The following NELL1 variants were observed in gnomAD, a reference collection of about 807,000 sequenced individuals.
NELL1 encodes the protein protein kinase C-binding protein NELL1.
In NELL1, 76 loss-of-function variants were observed where a neutral mutation model predicts 107.4. The ratio of observed to expected loss-of-function variants is 0.71; its 90% CI spans 0.59 to 0.86. The LOEUF (loss-of-function observed/expected upper bound fraction) is 0.86, where lower values mean the gene tolerates loss of function less well. Ranked by LOEUF, NELL1 falls within the 40% of genes least tolerant of loss-of-function variation. The pLI is 0.00. For missense variants in NELL1, 1,024 were observed against 1,005.5 expected (o/e 1.02, Z -0.25); for synonymous variants, 353 against 341.2 (o/e 1.03, Z -0.38).
chr11:21,112,842 C>A (rs188674444), intron 12 of NELL1, among the ~76,000 whole-genome samples: 43 of 152,102 alleles, frequency 2.8e-4, no homozygotes, highest in Admixed American at 1.6e-3. Flanking sequence ...CACACACAAG[C>A]AGTCTGAGTA....
intron 4 of NELL1, among the ~76,000 whole-genome samples, chr11:20,864,277 A>T (rs1166640846): frequency 1.3e-5 from 2 of 152,250 alleles, no homozygotes; most frequent in Admixed American, 6.5e-5. Flanking sequence ...GCTAATTAAC[A>T]GATGCATTCT....
intron 12 of NELL1, among the ~76,000 whole-genome samples, chr11:21,021,661 A>T (rs1003828740): frequency 6.6e-6 from 1 of 152,008 alleles, no homozygotes. Flanking sequence ...TTTCTTGCAT[A>T]GCAAGTTGTC....
At position 21,077,095 on chromosome 11, in the gene NELL1, C is replaced by T. The variant is rs147767030; in HGVS notation, c.1301-36494C>T. On this transcript the variant is annotated intron_variant, in intron 12 of 19. Transcript: ENST00000357134. ...TAAGTATGGAAAGGGCAAATAATAG[C>T]ATGCAAGGGAATAAAAGTAGTGATA... 4.7e-3 allele frequency among the ~76,000 whole-genome samples: 722 copies of T among 152,160 alleles called. 4 individuals are homozygous for T. The highest frequency in any genetic ancestry group is 8.3e-3 in the Non-Finnish European group (565 of 68,008).
intron 3 of NELL1, among the ~76,000 whole-genome samples, chr11:20,804,951 G>C (rs1857351351): frequency 6.6e-6 from 1 of 151,830 alleles, no homozygotes; most frequent in Admixed American, 6.6e-5. Flanking sequence ...TACACATCTG[G>C]GTGTTCCAGT....
At chr11:21,402,641 TTC>T (rs991289985) in intron 15 of NELL1, among the ~76,000 whole-genome samples, 5 of 132,346 alleles carry the variant, frequency 3.8e-5, no homozygotes, top group East Asian at 2.2e-4. Flanking sequence ...CTAGATCCTT[TTC>T]TTTTTTTTTT....
rs1020654622 is a variant in NELL1 at position 20,705,535 on chromosome 11, A to C, written c.184+27475A>C. The stretch of plus-strand genomic sequence containing the variant: ...GAATTTAAGATGGATTAAAGACTTA[A>C]ATGTTAGACCTAAAACCATAAAAAC... On this transcript the variant is annotated intron_variant, in intron 2 of 19. Transcript: ENST00000357134. Among the ~76,000 whole-genome samples the C allele has an allele frequency of 7.6e-5, 11 of 144,452 alleles. 1 individual carries two copies. Among genetic ancestry groups the C allele is most frequent in the African/African-American group, 2.9e-4 (11 of 38,082 alleles). 94.8% of individuals were successfully genotyped at this position (144,452 alleles called of 152,430 possible). A position where few individuals can be genotyped will look rare whatever the true frequency, so the allele number is the denominator to read the frequency against.
rs1858018327 is a variant in NELL1 at position 21,230,460 on chromosome 11, CA to C, written c.1549+1009del. The stretch of plus-strand genomic sequence containing the variant: ...GCTTGTTCACTATGTGTTAATTCAC[CA>C]AATCACCAAAGAGGAAAGGCACAAT... On this transcript the variant is annotated intron_variant, in intron 14 of 19. Coordinates refer to ENST00000357134, the MANE Select transcript of NELL1 (RefSeq NM_006157.5). 1.1e-4 allele frequency among the ~76,000 whole-genome samples: 16 copies of C among 152,190 alleles called. No homozygotes were observed. In the South Asian group the frequency reaches 3.3e-3, roughly 32 times the overall value.
At chr11:21,149,721 A>C (rs1856070615) in intron 13 of NELL1, among the ~76,000 whole-genome samples, 1 of 152,194 alleles carries the variant, frequency 6.6e-6, no homozygotes, top group Non-Finnish European at 1.5e-5. Context: ...AGGTGCTGTC[A>C]CTGGCCCAAT....
intron 15 of NELL1, among the ~76,000 whole-genome samples, chr11:21,502,996 C>T (rs963645529): frequency 6.6e-6 from 1 of 152,142 alleles, no homozygotes; most frequent in African/African-American, 2.4e-5. Flanking sequence ...GATTCTCCTG[C>T]CTCAACCTCC....
chr11:20,854,280 C>T (rs541695308), intron 4 of NELL1, among the ~76,000 whole-genome samples: 2 of 152,300 alleles, frequency 1.3e-5, no homozygotes, highest in South Asian at 4.1e-4. Flanking sequence ...TGGGCTTTAG[C>T]TTCCTAAGTA....
At chr11:21,019,297 C>T (rs551323649) in intron 12 of NELL1, among the ~76,000 whole-genome samples, 3 of 152,148 alleles carry the variant, frequency 2.0e-5, no homozygotes, top group Admixed American at 2.0e-4. Flanking sequence ...TACATAGGAA[C>T]ATTGGATCCC....
chr11:21,210,251 T>A (rs937576219), intron 13 of NELL1, among the ~76,000 whole-genome samples: 2 of 152,170 alleles, frequency 1.3e-5, no homozygotes, highest in Admixed American at 6.5e-5. Flanking sequence ...AGTGTATACC[T>A]ACAAGTGGAA....
intron 2 of NELL1, among the ~76,000 whole-genome samples, chr11:20,740,377 G>A (rs1855863597): frequency 6.6e-6 from 1 of 152,158 alleles, no homozygotes; most frequent in Non-Finnish European, 1.5e-5. Flanking sequence ...CCATGTTTAG[G>A]ACAGGGGACT....
chr11:21,105,870 C>T (rs1854951967), intron 12 of NELL1, among the ~76,000 whole-genome samples: 1 of 7,122 alleles, frequency 1.4e-4, no homozygotes, highest in Non-Finnish European at 2.9e-4. Flanking sequence ...CTCCCCCTCC[C>T]CTTCCTCTCT....
At chr11:21,277,715 A>G (rs1848900021) in intron 14 of NELL1, among the ~76,000 whole-genome samples, 1 of 152,234 alleles carries the variant, frequency 6.6e-6, no homozygotes, top group Non-Finnish European at 1.5e-5. Flanking sequence ...AATACTATGC[A>G]TCCATAAAAA....
chr11:21,273,794 G>A (rs1848793549), intron 14 of NELL1, among the ~76,000 whole-genome samples: 1 of 152,112 alleles, frequency 6.6e-6, no homozygotes, highest in Admixed American at 6.5e-5. Flanking sequence ...TTCATATCCA[G>A]CCAAACTAAG....
At chr11:21,571,016 A>C in intron 18 of NELL1, 76 bp downstream of exon 18, 1 of 1,405,828 alleles carries the variant, frequency 7.1e-7, no homozygotes, top group African/African-American at 1.4e-5. Context: ...TGTGGGACCT[A>C]GTTCCCAGTT....
chr11:20,930,215 C>T (rs1261337300), intron 9 of NELL1, among the ~76,000 whole-genome samples: 2 of 152,052 alleles, frequency 1.3e-5, no homozygotes, highest in African/African-American at 4.8e-5. Context: ...TCATAAAGAT[C>T]AAGATGGAAA....
chr11:21,114,172 C>A (rs1855176594), intron 13 of NELL1, among the ~76,000 whole-genome samples: 1 of 151,940 alleles, frequency 6.6e-6, no homozygotes. Context: ...CTGGTCGAAA[C>A]TGTATTTAAT....
Sources: allele counts gnomAD v4.1 joint callset (sites outside exome capture counted in the v4.1 genomes callset), GRCh38; gene constraint gnomAD v4.1.1; transcripts MANE v1.5; gene names NCBI Gene and HGNC (gene_info 2026-07-23, HGNC 2026-07-21).